Variants in ITGB8 observed in about 807,000 individuals in gnomAD.
ITGB8 encodes the protein integrin beta-8.
In ITGB8, 30 loss-of-function variants were observed where a neutral mutation model predicts 89.5. The ratio of observed to expected loss-of-function variants is 0.34; its 90% CI spans 0.25 to 0.45. ITGB8 has a LOEUF of 0.45. ITGB8 is among the 20% of genes least tolerant of loss of function. ITGB8 has a pLI of 1.00. For missense variants in ITGB8, 836 were observed against 933.3 expected (o/e 0.90, Z 1.36); for synonymous variants, 335 against 320.4 (o/e 1.05, Z -0.49).
At chr7:20,342,911 T>C (rs370648156) in intron 1 of ITGB8, among the ~76,000 whole-genome samples, 99 of 152,296 alleles carry the variant, frequency 6.5e-4, no homozygotes, top group African/African-American at 2.3e-3. Flanking sequence ...GCATAATCAA[T>C]GGATATGCAG....
chr7:20,407,727 A>T (rs1287205670), intron 12 of ITGB8, among the ~76,000 whole-genome samples: 1 of 152,144 alleles, frequency 6.6e-6, no homozygotes, highest in African/African-American at 2.4e-5. Context: ...TCAACATGTC[A>T]TTTATTATGT....
chr7:20,403,893 C>T (rs1446616225), intron 10 of ITGB8, among the ~76,000 whole-genome samples: 1 of 152,138 alleles, frequency 6.6e-6, no homozygotes, highest in African/African-American at 2.4e-5. Flanking sequence ...TGCACATTGG[C>T]ATATTAAGTT....
At chr7:20,392,952 A>C (rs1162102176) in intron 7 of ITGB8, among the ~76,000 whole-genome samples, 1 of 152,218 alleles carries the variant, frequency 6.6e-6, no homozygotes, top group Non-Finnish European at 1.5e-5. Context: ...CTTATTGTAC[A>C]CTTAACTATT....
At chr7:20,390,300 G>A (rs1414209265) in intron 6 of ITGB8, among the ~76,000 whole-genome samples, 2 of 152,140 alleles carry the variant, frequency 1.3e-5, no homozygotes, top group Non-Finnish European at 2.9e-5. Flanking sequence ...AGAGACTACT[G>A]CCAGTGAACT....
At chr7:20,408,264 G>C (rs561811116) in intron 12 of ITGB8, among the ~76,000 whole-genome samples, 11 of 151,756 alleles carry the variant, frequency 7.2e-5, no homozygotes, top group Non-Finnish European at 1.6e-4. Flanking sequence ...GAATATTTTG[G>C]ATTCTCTCTC....
At chr7:20,375,172 T>C (rs10257307) in intron 3 of ITGB8, among the ~76,000 whole-genome samples, 141,127 of 152,086 alleles carry the variant, frequency 0.93, 65,543 homozygotes, top group East Asian at 0.99. Flanking sequence ...TAACCTGATT[T>C]TACCTTGTGT....
At chr7:20,373,600 G>A (rs76765325) in intron 3 of ITGB8, among the ~76,000 whole-genome samples, 15,513 of 152,102 alleles carry the variant, frequency 0.1, 1,042 homozygotes, top group East Asian at 0.42. Context: ...AAACAAAACA[G>A]AACTTGCACA....
chr7:20,336,087 G>A (rs1316450489), intron 1 of ITGB8, among the ~76,000 whole-genome samples: 2 of 132,976 alleles, frequency 1.5e-5, no homozygotes, highest in Non-Finnish European at 3.1e-5. Context: ...CCCACTGCAA[G>A]CTTCGCCTCC....
intron 8 of ITGB8, among the ~76,000 whole-genome samples, chr7:20,396,295 T>C (rs1183179472): frequency 6.6e-6 from 1 of 151,968 alleles, no homozygotes; most frequent in Non-Finnish European, 1.5e-5. Context: ...TAGCAGGGCA[T>C]GGTGGCGGGT....
At chr7:20,356,893 T>C (rs1785313245) in intron 1 of ITGB8, among the ~76,000 whole-genome samples, 3 of 146,996 alleles carry the variant, frequency 2.0e-5, no homozygotes, top group African/African-American at 7.5e-5. Context: ...TTTGGGGAGT[T>C]TGCTGGTCCA....
intron 10 of ITGB8, 77 bp from the exon 11 acceptor site, chr7:20,404,551 A>G: frequency 1.7e-6 from 2 of 1,205,442 alleles, no homozygotes; most frequent in Non-Finnish European, 1.2e-6. Context: ...TGGAGATGAT[A>G]CAGGAATCCA....
intron 1 of ITGB8, among the ~76,000 whole-genome samples, chr7:20,350,975 T>G (rs1411410174): frequency 6.6e-6 from 1 of 152,188 alleles, no homozygotes; most frequent in Non-Finnish European, 1.5e-5. Flanking sequence ...ACGCGAAAAC[T>G]CAGTTTCCCT....
chr7:20,398,202 C>T (rs938615706), intron 8 of ITGB8, among the ~76,000 whole-genome samples: 2 of 152,114 alleles, frequency 1.3e-5, no homozygotes, highest in African/African-American at 4.8e-5. Flanking sequence ...GTAAGAGGAC[C>T]TATTTTGGTA....
In ITGB8 at chr7:20,373,537, T is replaced by A. The variant is rs1180959921; in HGVS notation, c.389-5514T>A. On this transcript the variant is annotated intron_variant, in intron 3 of 13. Transcript: ENST00000222573. ...AAGAATCTTCTAATTTAGTGTAGAT[T>A]TAGTAAGATTTTCCAGATATGCTTC... Among the ~76,000 whole-genome samples, 4 of 151,190 alleles carry A rather than the reference T, an allele frequency of 2.6e-5. No individual in the cohort carries two copies. In the East Asian group the frequency reaches 7.8e-4, roughly 29 times the overall value.
chr7:20,401,190 G>T (rs976676441), intron 9 of ITGB8, among the ~76,000 whole-genome samples: 5 of 152,038 alleles, frequency 3.3e-5, no homozygotes, highest in Admixed American at 3.3e-4. Flanking sequence ...TGTTGGCTAG[G>T]CTGATCTCGA....
At position 20,403,052 on chromosome 7, in the gene ITGB8, G is replaced by A. The variant is rs769528999; in HGVS notation, c.1687+926G>A. On this transcript the variant is annotated intron_variant, in intron 10 of 13. Transcript: ENST00000222573. ...AAACGTCATCATAAGCATATGGGAC[G>A]TAACAAACCTATAAAAAATAAATGC... Among the ~76,000 whole-genome samples the A allele has an allele frequency of 5.9e-4, 90 of 152,156 alleles. 1 individual carries two copies. The highest frequency in any genetic ancestry group is 1.8e-3 in the Admixed American group (27 of 15,278).
rs1399389968 is a variant in ITGB8 at position 20,413,996 on chromosome 7, T to C, written c.*3999T>C. ...ATAATTCCTCTATAGCAAATTTTTA[T>C]GTATAACTGATTATACATATCCATA... On this transcript the variant is annotated 3_prime_UTR_variant, in exon 14 of 14. Transcript: ENST00000222573. 1 of 152,172 alleles carries C rather than the reference T, an allele frequency of 6.6e-6. No homozygotes were observed. The highest frequency in any genetic ancestry group is 2.4e-5 in the African/African-American group (1 of 41,460). The allele number at this position is 152,172 out of a possible 1,614,324, so 9.4% of individuals were successfully genotyped here.
Position 20,386,954 on chromosome 7 carries a change from A to G in ITGB8, c.961-4449A>G, listed in dbSNP as rs541357330. Among the ~76,000 whole-genome samples, 12 of 152,288 alleles carry G rather than the reference A, an allele frequency of 7.9e-5. No homozygotes were observed. In the South Asian group the frequency reaches 2.5e-3, roughly 32 times the overall value. On this transcript the variant is annotated intron_variant, in intron 6 of 13. Coordinates refer to ENST00000222573, the MANE Select transcript of ITGB8 (RefSeq NM_002214.3). ...CAGTAAATAGGGTATCGTGATTACA[A>G]CTGATGTCATATTTGCCAGGAGCCA...
intron 3 of ITGB8, 68 bp from the exon 4 acceptor site, chr7:20,378,979 CTAAT>C (rs1448529997): frequency 8.0e-7 from 1 of 1,257,356 alleles, no homozygotes; most frequent in Non-Finnish European, 1.1e-6. Flanking sequence ...TAGAATGTGA[CTAAT>C]TTATTAAGAG....
Sources: allele counts gnomAD v4.1 joint callset (sites outside exome capture counted in the v4.1 genomes callset), GRCh38; gene constraint gnomAD v4.1.1; transcripts MANE v1.5; gene names NCBI Gene and HGNC (gene_info 2026-07-23, HGNC 2026-07-21).